RANBP2: variants seen among roughly 807,000 people sequenced by gnomAD.
RANBP2 encodes the protein E3 SUMO-protein ligase RanBP2.
Under a neutral mutation model 303.6 loss-of-function variants are expected in RANBP2, and 57 were observed. That is an observed-to-expected ratio of 0.19 (90% CI 0.15 to 0.23). The LOEUF is 0.23. RANBP2 is among the 10% of genes least tolerant of loss of function. RANBP2 has a pLI of 1.00. For missense variants in RANBP2, 3,138 were observed against 3,780.8 expected, an observed-to-expected ratio of 0.83 and a Z score of 4.46; for synonymous variants, 1,167 against 1,301.5, an observed-to-expected ratio of 0.90 and a Z score of 2.23.
At chr2:109,052,654 G>A in the RANBP2 span, among the ~76,000 whole-genome samples, 3 of 152,128 alleles carry the variant, frequency 2.0e-5, no homozygotes, top group Non-Finnish European at 2.9e-5. Context: ...CAAAGCTGAG[G>A]AAGCCCAGCT....
the RANBP2 span, among the ~76,000 whole-genome samples, chr2:109,249,439 C>A: frequency 6.6e-6 from 1 of 151,966 alleles, no homozygotes; most frequent in Non-Finnish European, 1.5e-5. Flanking sequence ...TTCCCTCCTG[C>A]ACCAGATCTC....
At chr2:109,285,845 G>A in the RANBP2 span, among the ~76,000 whole-genome samples, 1 of 152,300 alleles carries the variant, frequency 6.6e-6, no homozygotes, top group African/African-American at 2.4e-5. Context: ...CTGCCTCTGC[G>A]TGGCTCCAAG....
the RANBP2 span, among the ~76,000 whole-genome samples, chr2:108,850,514 C>T: frequency 2.0e-5 from 3 of 152,010 alleles, no homozygotes; most frequent in Non-Finnish European, 2.9e-5. Context: ...TGCAGTGGCA[C>T]GATCTTGGCT....
At chr2:109,502,321 T>C in the RANBP2 span, 2 of 152,228 alleles carry the variant, frequency 1.3e-5, no homozygotes, top group Non-Finnish European at 2.9e-5. Flanking sequence ...ATTACTTCTT[T>C]CTTACAGCAT....
chr2:108,901,869 C>T, the RANBP2 span, among the ~76,000 whole-genome samples: 3 of 151,982 alleles, frequency 2.0e-5, no homozygotes, highest in East Asian at 1.9e-4. Context: ...TTTGGGAGGC[C>T]GAGGTGGGTA....
chr2:109,431,346 T>C, the RANBP2 span, among the ~76,000 whole-genome samples: 5,609 of 152,328 alleles, frequency 0.037, 172 homozygotes, highest in African/African-American at 0.075. Context: ...CTTCCGTGGC[T>C]GAATCTTGTG....
the RANBP2 span, among the ~76,000 whole-genome samples, chr2:109,531,314 G>A: frequency 6.6e-6 from 1 of 152,212 alleles, no homozygotes. Context: ...AGACCTTGCA[G>A]GGCTCAGGAC....
chr2:109,522,430 G>A, the RANBP2 span, among the ~76,000 whole-genome samples: 4 of 151,814 alleles, frequency 2.6e-5, no homozygotes, highest in Admixed American at 2.6e-4. Context: ...CCAAGTATCT[G>A]GGATTACAGG....
the RANBP2 span, among the ~76,000 whole-genome samples, chr2:109,520,968 G>A: frequency 6.6e-5 from 10 of 151,436 alleles, no homozygotes; most frequent in East Asian, 2.0e-4. Flanking sequence ...GGTGGCTCAC[G>A]CTTGTAATCC....
the RANBP2 span, among the ~76,000 whole-genome samples, chr2:109,193,152 G>C: frequency 1.3e-5 from 2 of 152,218 alleles, no homozygotes; most frequent in Non-Finnish European, 2.9e-5. Flanking sequence ...CAGAGGAAAG[G>C]CCAGAGGTCT....
the RANBP2 span, among the ~76,000 whole-genome samples, chr2:109,680,995 T>A: frequency 6.6e-6 from 1 of 152,218 alleles, no homozygotes; most frequent in South Asian, 2.1e-4. Flanking sequence ...CTGAAAGACA[T>A]GTACAAGAAT....
At chr2:109,183,134 T>C in the RANBP2 span, among the ~76,000 whole-genome samples, 1 of 152,172 alleles carries the variant, frequency 6.6e-6, no homozygotes, top group Non-Finnish European at 1.5e-5. Flanking sequence ...TGTACAAAAC[T>C]GTCCAGCACT....
chr2:108,834,428 T>C, the RANBP2 span, among the ~76,000 whole-genome samples: 1 of 151,628 alleles, frequency 6.6e-6, no homozygotes, highest in South Asian at 2.1e-4. Flanking sequence ...TTGGCCAGGC[T>C]GGTATTGAAC....
At chr2:109,318,691 A>ACGCCCTGGCCAGAATCCGGGGC in the RANBP2 span, among the ~76,000 whole-genome samples, 1 of 152,168 alleles carries the variant, frequency 6.6e-6, no homozygotes, top group African/African-American at 2.4e-5. Flanking sequence ...CTCTCAGATC[A>ACGCCCTGGCCAGAATCCGGGGC]TGCCCTGGCC....
chr2:109,469,412 C>G, the RANBP2 span, among the ~76,000 whole-genome samples: 1 of 152,146 alleles, frequency 6.6e-6, no homozygotes, highest in Non-Finnish European at 1.5e-5. Context: ...TGTTGGTTTT[C>G]CATGCATGCA....
chr2:109,706,223 G>A, the RANBP2 span, among the ~76,000 whole-genome samples: 1 of 152,326 alleles, frequency 6.6e-6, no homozygotes, highest in East Asian at 1.9e-4. Context: ...TGTAAATTAT[G>A]CTGTGCCACC....
At chr2:109,075,575 C>T in the RANBP2 span, among the ~76,000 whole-genome samples, 6 of 10,568 alleles carry the variant, frequency 5.7e-4, no homozygotes, top group Admixed American at 6.1e-3. Flanking sequence ...TGCCCTTAGA[C>T]AAACAAAAAA....
the RANBP2 span, among the ~76,000 whole-genome samples, chr2:108,820,760 C>A: frequency 6.7e-6 from 1 of 149,324 alleles, no homozygotes; most frequent in Non-Finnish European, 1.5e-5. Context: ...CCAGCTAAAC[C>A]GTCCTTAAGA....
chr2:108,719,709 C>T lies in RANBP2; in HGVS notation c.72+31C>T, dbSNP rs1250794028. Reference sequence around the variant, plus strand: ...TGGGTCTCGAAGAGACCGACGGCCTCGACCTGGCCGGGCGGCGGCCTCGCG... The same window carrying T: ...TGGGTCTCGAAGAGACCGACGGCCTTGACCTGGCCGGGCGGCGGCCTCGCG... On this transcript the variant is annotated intron_variant, in intron 1 of 28. Coordinates refer to ENST00000283195, the MANE Select transcript of RANBP2 (RefSeq NM_006267.5). The T allele has an allele frequency of 1.9e-6, 3 of 1,571,550 alleles. No individual in the cohort carries two copies. The African/African-American group carries it at 4.0e-5, about 21-fold the overall frequency.
Sources: gnomAD v4.1 joint callset for allele counts (sites outside exome capture counted in the v4.1 genomes callset) on GRCh38, gnomAD v4.1.1 for gene constraint, MANE v1.5 for transcripts, NCBI Gene and HGNC (gene_info 2026-07-23, HGNC 2026-07-21) for gene names.